Variants in EPHA6 observed in about 807,000 individuals in gnomAD.
EPHA6 encodes the protein ephrin type-A receptor 6.
In EPHA6, 50 loss-of-function variants were observed where a neutral mutation model predicts 112.0. The ratio of observed to expected loss-of-function variants is 0.45; its 90% CI spans 0.36 to 0.56. The LOEUF (loss-of-function observed/expected upper bound fraction) is 0.56, where lower values mean the gene tolerates loss of function less well. EPHA6 is among the 20% of genes least tolerant of loss of function. The probability of loss-of-function intolerance (pLI) is 0.00; values close to 1 mark genes in which losing one functional copy is unlikely to be tolerated. For missense variants in EPHA6, 1,280 were observed against 1,417.4 expected (o/e 0.90, Z 1.56); for synonymous variants, 529 against 490.7 (o/e 1.08, Z -1.03).
rs938343772 is a variant in EPHA6 at position 97,506,062 on chromosome 3, C to A, written c.2200+22003C>A. Among the ~76,000 whole-genome samples the A allele has an allele frequency of 2.0e-5, 3 of 152,060 alleles. No individual in the cohort carries two copies. The East Asian group carries it at 5.8e-4, about 29-fold the overall frequency. ...TTTTTCTCGTAAATTTGTTTAAGTTCTTTGTAGATTCTGGATATTAGCTCT... is the reference window on the plus strand; with the variant it reads ...TTTTTCTCGTAAATTTGTTTAAGTTATTTGTAGATTCTGGATATTAGCTCT... On this transcript the variant is annotated intron_variant, in intron 10 of 17. Transcript: ENST00000389672.
chr3:96,868,267 A>G (rs201379355), intron 2 of EPHA6, among the ~76,000 whole-genome samples: 2 of 151,654 alleles, frequency 1.3e-5, no homozygotes, highest in African/African-American at 4.8e-5. Context: ...GATTTTAAAA[A>G]TATGCAATTT....
At chr3:96,853,631 A>C (rs1432611325) in intron 1 of EPHA6, among the ~76,000 whole-genome samples, 1 of 151,982 alleles carries the variant, frequency 6.6e-6, no homozygotes, top group Non-Finnish European at 1.5e-5. Context: ...TATAAAGAAA[A>C]CTAATATGAA....
intron 5 of EPHA6, among the ~76,000 whole-genome samples, chr3:97,263,370 TTAAA>T (rs1448317397): frequency 2.6e-5 from 4 of 151,394 alleles, no homozygotes; most frequent in Non-Finnish European, 5.9e-5. Flanking sequence ...GAATATATGA[TTAAA>T]TAAAGGAATG....
chr3:97,512,649 G>C (rs2092385245), intron 10 of EPHA6, among the ~76,000 whole-genome samples: 1 of 152,066 alleles, frequency 6.6e-6, no homozygotes, highest in African/African-American at 2.4e-5. Flanking sequence ...ACTGCAACCT[G>C]TGCCTCCGGG....
At chr3:97,151,478 A>G (rs1238128065) in intron 3 of EPHA6, among the ~76,000 whole-genome samples, 3 of 152,120 alleles carry the variant, frequency 2.0e-5, no homozygotes, top group Non-Finnish European at 4.4e-5. Context: ...GAAGCACCCA[A>G]AGCCAAGCCA....
intron 11 of EPHA6, among the ~76,000 whole-genome samples, chr3:97,590,033 T>C (rs892382150): frequency 6.6e-6 from 1 of 152,182 alleles, no homozygotes; most frequent in Non-Finnish European, 1.5e-5. Flanking sequence ...AAGGAAATTA[T>C]AACAAAGAAT....
chr3:97,065,669 A>G (rs540701929), intron 3 of EPHA6, among the ~76,000 whole-genome samples: 4 of 152,134 alleles, frequency 2.6e-5, no homozygotes, highest in Non-Finnish European at 5.9e-5. Context: ...AATATTTTCC[A>G]AGATCAAACT....
chr3:97,218,781 T>G (rs1327657734), intron 3 of EPHA6, among the ~76,000 whole-genome samples: 1 of 152,160 alleles, frequency 6.6e-6, no homozygotes, highest in African/African-American at 2.4e-5. Flanking sequence ...TGTAATTCAT[T>G]CCAGCATTAA....
chr3:97,556,564 A>G (rs2093113266), intron 11 of EPHA6, among the ~76,000 whole-genome samples: 1 of 152,038 alleles, frequency 6.6e-6, no homozygotes, highest in African/African-American at 2.4e-5. Context: ...TATCTTGAGA[A>G]CAGCATGAGG....
intron 5 of EPHA6, among the ~76,000 whole-genome samples, chr3:97,379,341 A>G (rs1321844167): frequency 6.6e-6 from 1 of 152,208 alleles, no homozygotes; most frequent in Non-Finnish European, 1.5e-5. Flanking sequence ...ATGACTAATC[A>G]GAAATGCTTC....
chr3:97,694,931 A>G (rs971718703), intron 14 of EPHA6, among the ~76,000 whole-genome samples: 2 of 152,190 alleles, frequency 1.3e-5, no homozygotes, highest in Non-Finnish European at 2.9e-5. Context: ...AACTTTTTTT[A>G]ACTGTTTATC....
chr3:97,693,740 G>A (rs1213790629), intron 14 of EPHA6, among the ~76,000 whole-genome samples: 46 of 152,086 alleles, frequency 3.0e-4, no homozygotes, highest in African/African-American at 1.1e-3. Flanking sequence ...CCCGGGAGGC[G>A]GAGCTTGCAG....
chr3:97,358,990 T>A (rs923673147), intron 5 of EPHA6, among the ~76,000 whole-genome samples: 4 of 151,990 alleles, frequency 2.6e-5, no homozygotes, highest in African/African-American at 9.7e-5. Flanking sequence ...TTCTCTTTCT[T>A]TTGAAATTTT....
At chr3:97,488,292 A>G (rs966272713) in intron 10 of EPHA6, among the ~76,000 whole-genome samples, 2 of 152,204 alleles carry the variant, frequency 1.3e-5, no homozygotes, top group Non-Finnish European at 2.9e-5. Context: ...TCTTTCTAGA[A>G]TAGTCCAGGA....
chr3:97,703,295 T>C (rs548955012), intron 14 of EPHA6, among the ~76,000 whole-genome samples: 73 of 152,316 alleles, frequency 4.8e-4, no homozygotes, highest in African/African-American at 1.6e-3. Flanking sequence ...AATATGAGTA[T>C]AGCTATCCTC....
At chr3:97,734,623 A>G (rs951339853) in intron 15 of EPHA6, among the ~76,000 whole-genome samples, 1 of 152,064 alleles carries the variant, frequency 6.6e-6, no homozygotes, top group Non-Finnish European at 1.5e-5. Context: ...TTTTTTACAA[A>G]CAGCCTCTAA....
chr3:97,676,496 A>C (rs909879469), intron 14 of EPHA6, among the ~76,000 whole-genome samples: 2 of 152,230 alleles, frequency 1.3e-5, no homozygotes, highest in Non-Finnish European at 2.9e-5. Flanking sequence ...CCCTGAAACT[A>C]GGAAGTATAA....
chr3:96,869,000 G>A (rs2036485372), intron 2 of EPHA6, among the ~76,000 whole-genome samples: 1 of 151,872 alleles, frequency 6.6e-6, no homozygotes, highest in African/African-American at 2.4e-5. Flanking sequence ...TATGGAAAAA[G>A]GATGAATAGT....
intron 3 of EPHA6, among the ~76,000 whole-genome samples, chr3:97,112,126 T>C (rs892210832): frequency 1.3e-5 from 2 of 152,156 alleles, no homozygotes; most frequent in Non-Finnish European, 2.9e-5. Context: ...CATAAAGATA[T>C]AGTATTCATT....
Sources: allele counts gnomAD v4.1 joint callset (sites outside exome capture counted in the v4.1 genomes callset), GRCh38; gene constraint gnomAD v4.1.1; transcripts MANE v1.5; gene names NCBI Gene and HGNC (gene_info 2026-07-23, HGNC 2026-07-21).